PCDHA3: variants seen among roughly 807,000 people sequenced by gnomAD.
The protein encoded by PCDHA3 is protocadherin alpha-3.
Under a neutral mutation model 62.2 loss-of-function variants are expected in PCDHA3, and 41 were observed. That is an observed-to-expected ratio of 0.66 (90% CI 0.51 to 0.86). The LOEUF (loss-of-function observed/expected upper bound fraction) is 0.86. Among genes scored for constraint, PCDHA3 ranks in the 40% least tolerant of loss-of-function variants. The pLI is 0.00. For missense variants in PCDHA3, 1,304 were observed against 1,241.2 expected, an observed-to-expected ratio of 1.05 and a Z score of -0.76; for synonymous variants, 640 against 555.4, an observed-to-expected ratio of 1.15 and a Z score of -2.14.
chr5:140,802,023 G>A lies in PCDHA3; in HGVS notation c.826G>A (p.Asp276Asn), dbSNP rs1762830770. The A allele has an allele frequency of 6.2e-7, 1 of 1,614,194 alleles. No individual in the cohort carries two copies. Among genetic ancestry groups the A allele is most frequent in the African/African-American group, 1.3e-5 (1 of 75,052 alleles). ...CGATTTGGATGAAGGAGTAAATAAG[G>A]ATATCGCGTATTCTTTCAATACGGA... Reference protein sequence around the residue: ...ATDLDEGVNKDIAYSFNTDMS... With the variant: ...ATDLDEGVNKNIAYSFNTDMS... Residue 276 changes from aspartate (D) to asparagine (N), a missense_variant, in exon 1 of 4, where the codon GAT becomes AAT. Asp to Asn is a conservative substitution (Grantham distance 23). Coordinates refer to ENST00000522353, the MANE Select transcript of PCDHA3 (RefSeq NM_018906.3).
At chr5:140,967,060 G>T in intron 1 of PCDHA3, 1 of 1,612,802 alleles carries the variant, frequency 6.2e-7, no homozygotes, top group Non-Finnish European at 8.5e-7. Flanking sequence ...CGAGTGGAGC[G>T]CTCTTCGTCA....
At chr5:140,871,735 A>T in intron 1 of PCDHA3, 1 of 686,792 alleles carries the variant, frequency 1.5e-6, no homozygotes, top group Non-Finnish European at 2.3e-6. Context: ...TTTGGTTAGC[A>T]AATCCTAAAA....
In PCDHA3 at chr5:140,848,354, C is replaced by T. The variant is rs1427419086; in HGVS notation, c.2394+44763C>T. The T allele has an allele frequency of 5.9e-6, 6 of 1,023,948 alleles. No homozygotes were observed. In the East Asian group the frequency reaches 7.1e-5, roughly 12 times the overall value. The allele number at this position is 1,023,948 out of a possible 1,614,324, so 63.4% of individuals were successfully genotyped here. On this transcript the variant is annotated intron_variant, in intron 1 of 3. Transcript: ENST00000522353. Reference sequence around the variant, plus strand: ...AATCCAGACAAATACAGCCCTTTTCCCATGGGAAAGAGGCTCAATTCTTTT... The same window carrying T: ...AATCCAGACAAATACAGCCCTTTTCTCATGGGAAAGAGGCTCAATTCTTTT...
rs2150386849 is a variant in PCDHA3, at chr5:140,846,316, A to G, written c.2394+42725A>G. ...TGAATTAAGTAAACCATTTATGTAG[A>G]GTGTTGTAAATAGCCTTTTAAAGTG... On this transcript the variant is annotated intron_variant, in intron 1 of 3. Transcript: ENST00000522353. 2.4e-3 allele frequency among the ~76,000 whole-genome samples: 359 copies of G among 147,560 alleles called. 12 individuals carry two copies. Among genetic ancestry groups the G allele is most frequent in the African/African-American group, 8.0e-3 (325 of 40,542 alleles).
At chr5:140,830,695 C>T (rs1771206789) in intron 1 of PCDHA3, 1 of 285,150 alleles carries the variant, frequency 3.5e-6, no homozygotes, top group African/African-American at 2.2e-5. Context: ...ACAATCTGCA[C>T]CTCAGAATTT....
chr5:141,003,511 C>T (rs2098128112), intron 3 of PCDHA3, among the ~76,000 whole-genome samples: 2 of 152,114 alleles, frequency 1.3e-5, no homozygotes, highest in African/African-American at 4.8e-5. Flanking sequence ...TGGGGTTTCA[C>T]CATGTTCCCT....
At chr5:140,856,026 T>C in intron 1 of PCDHA3, 1 of 1,559,058 alleles carries the variant, frequency 6.4e-7, no homozygotes, top group Non-Finnish European at 8.7e-7. Context: ...ATTCGTCGAT[T>C]TGTAAAACAA....
At chr5:140,916,279 C>T (rs2077510203) in intron 1 of PCDHA3, among the ~76,000 whole-genome samples, 1 of 152,228 alleles carries the variant, frequency 6.6e-6, no homozygotes, top group Admixed American at 6.5e-5. Context: ...TGTTGCTCTA[C>T]TCCACGTGGC....
rs1554136884 is a variant in PCDHA3, at chr5:140,838,094, G to A, written c.2394+34503G>A. 2.8e-5 allele frequency among the ~76,000 whole-genome samples: 4 copies of A among 144,632 alleles called. 1 individual carries two copies. The highest frequency in any genetic ancestry group is 1.0e-4 in the African/African-American group (4 of 38,254). 94.9% of individuals were successfully genotyped at this position (144,632 alleles called of 152,430 possible). A position where few individuals can be genotyped will look rare whatever the true frequency, so the allele number is the denominator to read the frequency against. On this transcript the variant is annotated intron_variant, in intron 1 of 3. Transcript: ENST00000522353. ...ATATATATAGTGTGTGTGTGTGTGTGTGTGTGTGTGTGTGTGTGTGTGTGT... is the reference window on the plus strand; with the variant it reads ...ATATATATAGTGTGTGTGTGTGTGTATGTGTGTGTGTGTGTGTGTGTGTGT...
intron 1 of PCDHA3, chr5:140,856,840 C>G: frequency 6.3e-7 from 1 of 1,591,894 alleles, no homozygotes; most frequent in Non-Finnish European, 8.6e-7. Flanking sequence ...TACGGCTCAA[C>G]GCTTCTGATT....
At chr5:140,848,529 C>T (rs2150412022) in intron 1 of PCDHA3, 7 of 1,594,446 alleles carry the variant, frequency 4.4e-6, no homozygotes, top group Non-Finnish European at 6.0e-6. Flanking sequence ...TCCAGAGGGT[C>T]AGCCTCTACT....
chr5:140,934,926 G>A lies in PCDHA3; in HGVS notation c.2395-44023G>A, dbSNP rs1054459840. Among the ~76,000 whole-genome samples, 3 of 152,116 alleles carry A rather than the reference G, an allele frequency of 2.0e-5. No homozygotes were observed. In the East Asian group the frequency reaches 5.8e-4, roughly 29 times the overall value. On this transcript the variant is annotated intron_variant, in intron 1 of 3. Transcript: ENST00000522353. ...TGGAATAATTATGGATTCACATAAA[G>A]TTACAAAACTAGTATAGAGAGATCC...
chr5:140,941,260 T>TCTTTCTTTCTTC (rs2092990214), intron 1 of PCDHA3, among the ~76,000 whole-genome samples: 2 of 138,280 alleles, frequency 1.4e-5, no homozygotes, highest in Admixed American at 1.5e-4. Flanking sequence ...TCTTTCTCTT[T>TCTTTCTTTCTTC]CTTTCTTTCT....
At chr5:140,877,317 G>T (rs535177109) in intron 1 of PCDHA3, 2 of 1,614,004 alleles carry the variant, frequency 1.2e-6, no homozygotes, top group South Asian at 1.1e-5. Context: ...AACCGGCGGC[G>T]GTCGGCGCGC....
intron 3 of PCDHA3, among the ~76,000 whole-genome samples, chr5:140,996,530 T>C (rs1423892657): frequency 6.6e-6 from 1 of 152,210 alleles, no homozygotes; most frequent in East Asian, 1.9e-4. Flanking sequence ...AGGCCCTGTG[T>C]GTTTTGATAT....
Position 140,803,116 on chromosome 5 carries a change from T to C in PCDHA3, c.1919T>C (p.Val640Ala). ...EISTTRALDE[V>A]DAPRHRLLVL... is the part of the protein sequence containing the mutation. ...AGCACGACCCGTGCCCTGGACGAGG[T>C]GGACGCCCCGCGCCATCGCCTACTG... Residue 640 changes from valine to alanine, a missense_variant, in exon 1 of 4, where the codon GTG becomes GCG. By Grantham distance (64) the Val-to-Ala change is moderately conservative. Transcript: ENST00000522353. 1 of 1,613,802 alleles carries C rather than the reference T, an allele frequency of 6.2e-7. No individual in the cohort carries two copies. The highest frequency in any genetic ancestry group is 8.5e-7 in the Non-Finnish European group (1 of 1,179,930).
At position 140,809,156 on chromosome 5, in the gene PCDHA3, C is replaced by T. The variant is rs142332964; in HGVS notation, c.2394+5565C>T. 2.7e-5 allele frequency: 44 copies of T among 1,613,980 alleles called. No homozygotes were observed. The South Asian group carries it at 4.6e-4, about 17-fold the overall frequency. On this transcript the variant is annotated intron_variant, in intron 1 of 3. Coordinates refer to ENST00000522353, the MANE Select transcript of PCDHA3 (RefSeq NM_018906.3). ...GGTACTGGTGAAGGACCACGGCGAG[C>T]CCGCGCTGACGGCCACGGCCACTGT...
At chr5:140,980,684 G>GA (rs782726576) in intron 2 of PCDHA3, among the ~76,000 whole-genome samples, 3,276 of 145,132 alleles carry the variant, frequency 0.023, 40 homozygotes, top group Middle Eastern at 0.066. Flanking sequence ...TTTTCAAATT[G>GA]AAAAAAAAAA....
intron 1 of PCDHA3, chr5:140,817,686 C>G (rs2150098767): frequency 6.6e-6 from 1 of 152,170 alleles, no homozygotes; most frequent in African/African-American, 2.4e-5. Flanking sequence ...GTTCTAGACA[C>G]ACAGTACATT....
Sources: allele counts gnomAD v4.1 joint callset (sites outside exome capture counted in the v4.1 genomes callset), GRCh38; gene constraint gnomAD v4.1.1; transcripts MANE v1.5; gene names NCBI Gene and HGNC (gene_info 2026-07-23, HGNC 2026-07-21).